Variants in STK39 observed in about 807,000 individuals in gnomAD.
STK39 encodes the protein STE20/SPS1-related proline-alanine-rich protein kinase.
Under a neutral mutation model 77.8 loss-of-function variants are expected in STK39, and 20 were observed. The observed-to-expected ratio is 0.26, with a 90% CI of 0.18 to 0.37. The LOEUF (loss-of-function observed/expected upper bound fraction) is 0.37, where lower values mean the gene tolerates loss of function less well. STK39 is among the 10% of genes least tolerant of loss of function. The probability of loss-of-function intolerance (pLI) is 1.00; values close to 1 mark genes in which losing one functional copy is unlikely to be tolerated. For synonymous variants in STK39, 246 were observed against 234.1 expected, an observed-to-expected ratio of 1.05 and a Z score of -0.47; for missense variants, 479 against 656.5, an observed-to-expected ratio of 0.73 and a Z score of 2.95.
At chr2:168,023,985 G>A (rs974859072) in intron 14 of STK39, among the ~76,000 whole-genome samples, 1 of 152,110 alleles carries the variant, frequency 6.6e-6, no homozygotes, top group Non-Finnish European at 1.5e-5. Flanking sequence ...AGTGTCCAGG[G>A]AATTTCAAAG....
intron 16 of STK39, among the ~76,000 whole-genome samples, chr2:167,976,256 G>C (rs1479361403): frequency 6.6e-6 from 1 of 152,148 alleles, no homozygotes; most frequent in African/African-American, 2.4e-5. Flanking sequence ...TGGATAGTGA[G>C]AAAAAACAGT....
chr2:168,202,523 T>C (rs186436626), intron 1 of STK39, among the ~76,000 whole-genome samples: 1 of 152,244 alleles, frequency 6.6e-6, no homozygotes, highest in African/African-American at 2.4e-5. Context: ...CTCTCTGACA[T>C]GAAAAAGTTT....
intron 1 of STK39, among the ~76,000 whole-genome samples, chr2:168,240,480 G>A (rs957803694): frequency 6.6e-6 from 1 of 152,222 alleles, no homozygotes; most frequent in Non-Finnish European, 1.5e-5. Flanking sequence ...AGTGGTGGCT[G>A]ACATGAAGAG....
chr2:168,226,045 T>C (rs779508141), intron 1 of STK39, among the ~76,000 whole-genome samples: 1 of 152,038 alleles, frequency 6.6e-6, no homozygotes, highest in Non-Finnish European at 1.5e-5. Flanking sequence ...GAGCTATGAG[T>C]GAGCCAAAAT....
At chr2:168,094,350 A>G (rs16854707) in intron 10 of STK39, among the ~76,000 whole-genome samples, 34,945 of 152,076 alleles carry the variant, frequency 0.23, 4,203 homozygotes, top group Admixed American at 0.31. Flanking sequence ...TGCATTTTCA[A>G]TATTTTTCTC....
intron 14 of STK39, among the ~76,000 whole-genome samples, chr2:168,032,552 C>G (rs987112020): frequency 2.0e-5 from 3 of 152,198 alleles, no homozygotes; most frequent in African/African-American, 7.2e-5. Flanking sequence ...TTAAGACTAG[C>G]TTATCTTTCC....
At chr2:168,123,726 G>A (rs867068254) in intron 10 of STK39, among the ~76,000 whole-genome samples, 3 of 151,772 alleles carry the variant, frequency 2.0e-5, no homozygotes, top group Non-Finnish European at 2.9e-5. Flanking sequence ...AAAATTAGCC[G>A]GGCATGGTGG....
chr2:168,097,503 T>C lies in STK39; in HGVS notation c.1090-22272A>G, dbSNP rs533459523. The stretch of plus-strand genomic sequence containing the variant: ...ACTTTGGGAGGATGAGGCAGGAGAA[T>C]GGCTTGAGGCAAGGAGATTGAGACA... On this transcript the variant is annotated intron_variant, in intron 10 of 17. Transcript: ENST00000355999. 5.3e-5 allele frequency among the ~76,000 whole-genome samples: 8 copies of C among 152,212 alleles called. 1 individual carries two copies. The East Asian group carries it at 7.7e-4, about 15-fold the overall frequency.
Position 168,034,379 on chromosome 2 carries a change from T to C in STK39, c.1377-17284A>G, listed in dbSNP as rs111329035. On this transcript the variant is annotated intron_variant, in intron 14 of 17. Transcript: ENST00000355999. ...AATAAATTTAAAGTAATGGCTTTGT[T>C]TGGTGAAATCAAAGAGCCAAGTTCA... Among the ~76,000 whole-genome samples, 426 of 152,358 alleles carry C rather than the reference T, an allele frequency of 2.8e-3. 1 individual carries two copies. The highest frequency in any genetic ancestry group is 9.8e-3 in the African/African-American group (406 of 41,578).
intron 12 of STK39, among the ~76,000 whole-genome samples, chr2:168,068,776 T>G (rs1027394320): frequency 6.6e-6 from 1 of 152,144 alleles, no homozygotes; most frequent in African/African-American, 2.4e-5. Flanking sequence ...CATGAAAATA[T>G]CAGGTTAAAG....
At chr2:168,147,615 C>T (rs3769395) in intron 5 of STK39, among the ~76,000 whole-genome samples, 36,420 of 152,016 alleles carry the variant, frequency 0.24, 6,085 homozygotes, top group African/African-American at 0.45. Context: ...TGTGTACATG[C>T]ACGGAGTGGG....
At chr2:168,213,208 A>G (rs755921883) in intron 1 of STK39, among the ~76,000 whole-genome samples, 2 of 152,224 alleles carry the variant, frequency 1.3e-5, no homozygotes, top group African/African-American at 4.8e-5. Flanking sequence ...TGAATTTAGA[A>G]AGTGAGAAAT....
chr2:168,004,204 G>GT (rs1334074871), intron 16 of STK39, among the ~76,000 whole-genome samples: 6 of 152,180 alleles, frequency 3.9e-5, no homozygotes, highest in African/African-American at 1.4e-4. Context: ...AATCAAAACT[G>GT]TAACTACTCA....
Position 168,247,551 on chromosome 2 carries a change from C to CCGCCGCCGCCGCCGCCGCCGCCGT in STK39, c.-117_-116insACGGCGGCGGCGGCGGCGGCGGCG, listed in dbSNP as rs1322058108. ...CGGCGCACGCCCTCCCCGCCCGCCG[C>CCGCCGCCGCCGCCGCCGCCGCCGT]CGCCGCCGCCGTCCCCGCCGAAGCC... is the stretch of plus-strand genomic sequence containing the variant. On this transcript the variant is annotated 5_prime_UTR_variant, in exon 1 of 18. Transcript: ENST00000355999. The CCGCCGCCGCCGCCGCCGCCGCCGT allele has an allele frequency of 1.4e-6, 1 of 710,946 alleles. No homozygotes were observed. Among genetic ancestry groups the CCGCCGCCGCCGCCGCCGCCGCCGT allele is most frequent in the African/African-American group, 1.9e-5 (1 of 53,062 alleles). The allele number at this position is 710,946 out of a possible 1,614,324, so 44.0% of individuals were successfully genotyped here.
At chr2:168,063,184 G>A (rs1004480359) in intron 14 of STK39, among the ~76,000 whole-genome samples, 1 of 135,908 alleles carries the variant, frequency 7.4e-6, no homozygotes, top group Admixed American at 8.0e-5. Context: ...CTCTTACTGT[G>A]ATCTTACATT....
intron 13 of STK39, 134 bp downstream of exon 13, chr2:168,065,185 T>C (rs776036597): frequency 1.2e-6 from 1 of 844,782 alleles, no homozygotes; most frequent in Non-Finnish European, 1.9e-6. Context: ...AATAGCAACC[T>C]ATTTAAAAAG....
At chr2:168,044,053 G>T (rs931140273) in intron 14 of STK39, among the ~76,000 whole-genome samples, 47 of 152,200 alleles carry the variant, frequency 3.1e-4, no homozygotes, top group Non-Finnish European at 6.3e-4. Context: ...TGGGGAGGTT[G>T]TGTGAAAGCC....
chr2:168,042,878 A>T (rs977837158), intron 14 of STK39, among the ~76,000 whole-genome samples: 1 of 152,064 alleles, frequency 6.6e-6, no homozygotes, highest in Non-Finnish European at 1.5e-5. Flanking sequence ...GCACCCAGCC[A>T]CCTTCCTTCT....
At chr2:168,017,251 A>G (rs571489566) in intron 14 of STK39, among the ~76,000 whole-genome samples, 156 bp from the exon 15 acceptor site, 1 of 152,224 alleles carries the variant, frequency 6.6e-6, no homozygotes, top group Non-Finnish European at 1.5e-5. Context: ...AAAGATAGTT[A>G]TAACAGTAAT....
Sources: allele counts gnomAD v4.1 joint callset (sites outside exome capture counted in the v4.1 genomes callset), GRCh38; gene constraint gnomAD v4.1.1; transcripts MANE v1.5; gene names NCBI Gene and HGNC (gene_info 2026-07-23, HGNC 2026-07-21).